FBXO11: variants seen among roughly 807,000 people sequenced by gnomAD.
FBXO11 encodes F-box only protein 11.
A neutral mutation model predicts 117.0 loss-of-function variants in FBXO11; 13 were observed. That is an observed-to-expected ratio of 0.11 (90% confidence interval 0.07 to 0.18). The LOEUF (loss-of-function observed/expected upper bound fraction) is 0.18, where lower values mean the gene tolerates loss of function less well. Among genes scored for constraint, FBXO11 ranks in the 10% least tolerant of loss-of-function variants. FBXO11 has a pLI of 1.00. For missense variants in FBXO11, 767 were observed against 1,164.4 expected, an observed-to-expected ratio of 0.66 and a Z score of 4.97; for synonymous variants, 490 against 380.5, an observed-to-expected ratio of 1.29 and a Z score of -3.35.
At chr2:47,809,917 C>G (rs765269112) in intron 19 of FBXO11, 27 of 541,812 alleles carry the variant, frequency 5.0e-5, no homozygotes, top group Non-Finnish European at 8.5e-5. Context: ...AACTTTCGCA[C>G]CAACCTAACT....
At chr2:47,877,828 G>A (rs914760106) in intron 1 of FBXO11, among the ~76,000 whole-genome samples, 2 of 152,204 alleles carry the variant, frequency 1.3e-5, no homozygotes, top group African/African-American at 4.8e-5. Flanking sequence ...GGGATTACAG[G>A]CGCGTGCCAA....
chr2:47,838,083 A>G (rs963019061), intron 4 of FBXO11, among the ~76,000 whole-genome samples: 5 of 127,076 alleles, frequency 3.9e-5, no homozygotes, highest in African/African-American at 1.4e-4. Flanking sequence ...AAAAAAAAAA[A>G]TTAGCTGGGC....
At chr2:47,838,450 G>C (rs1349201879) in intron 4 of FBXO11, among the ~76,000 whole-genome samples, 1 of 151,926 alleles carries the variant, frequency 6.6e-6, no homozygotes, top group Non-Finnish European at 1.5e-5. Context: ...CAAAGGGCAT[G>C]ACCCAGTAAT....
intron 1 of FBXO11, among the ~76,000 whole-genome samples, chr2:47,844,793 T>C (rs993965387): frequency 2.0e-5 from 3 of 152,106 alleles, no homozygotes; most frequent in East Asian, 1.9e-4. Context: ...CACGCCACCA[T>C]GCCTGGCTAA....
intron 5 of FBXO11, among the ~76,000 whole-genome samples, 190 bp downstream of exon 5, chr2:47,835,682 G>A (rs746492003): frequency 5.9e-5 from 9 of 152,156 alleles, no homozygotes; most frequent in Non-Finnish European, 1.2e-4. Context: ...ATTTTTAGAA[G>A]AGATGGAGTT....
intron 1 of FBXO11, among the ~76,000 whole-genome samples, chr2:47,880,840 T>C (rs1320402528): frequency 2.0e-5 from 3 of 152,216 alleles, no homozygotes; most frequent in Non-Finnish European, 4.4e-5. Context: ...TACCAGTCTT[T>C]CACAATCACT....
chr2:47,874,840 C>T (rs1252903051), intron 1 of FBXO11, among the ~76,000 whole-genome samples: 1 of 142,868 alleles, frequency 7.0e-6, no homozygotes, highest in Non-Finnish European at 1.5e-5. Context: ...TGGCCACATA[C>T]AAAATTTAAA....
At chr2:47,846,958 G>T (rs1045873508) in intron 1 of FBXO11, among the ~76,000 whole-genome samples, 2 of 152,118 alleles carry the variant, frequency 1.3e-5, no homozygotes, top group Non-Finnish European at 2.9e-5. Flanking sequence ...AATACGTTCT[G>T]AGAAGGCTGG....
At chr2:47,831,909 G>A (rs1672220414) in intron 11 of FBXO11, among the ~76,000 whole-genome samples, 1 of 152,046 alleles carries the variant, frequency 6.6e-6, no homozygotes, top group Non-Finnish European at 1.5e-5. Flanking sequence ...AAATAACAAT[G>A]AAACCATTAT....
At chr2:47,885,435 C>T (rs1052817111) in intron 1 of FBXO11, among the ~76,000 whole-genome samples, 10 of 151,886 alleles carry the variant, frequency 6.6e-5, no homozygotes, top group Non-Finnish European at 1.3e-4. Flanking sequence ...CTACCAAGGG[C>T]GTGGTGGTGT....
chr2:47,850,502 G>T (rs1379144512), intron 1 of FBXO11, among the ~76,000 whole-genome samples: 4 of 152,164 alleles, frequency 2.6e-5, no homozygotes, highest in African/African-American at 9.6e-5. Flanking sequence ...GTACAATACT[G>T]TTTCATGGTA....
In FBXO11 at chr2:47,902,560, TATACCCAC is replaced by T. The variant is rs1267998562; in HGVS notation, c.232+2921_232+2928del. 3.3e-5 allele frequency among the ~76,000 whole-genome samples: 5 copies of T among 152,090 alleles called. No individual in the cohort carries two copies. The East Asian group carries it at 9.6e-4, about 29-fold the overall frequency. On this transcript the variant is annotated intron_variant, in intron 1 of 22. Coordinates refer to ENST00000403359, the MANE Select transcript of FBXO11 (RefSeq NM_001190274.2). ...ATGTACAAACATGTATATACACAAA[TATACCCAC>T]ATACACACACACATACACATACACA...
At chr2:47,836,984 C>T (rs772324431) in intron 4 of FBXO11, 14 of 358,076 alleles carry the variant, frequency 3.9e-5, no homozygotes, top group Non-Finnish European at 6.5e-5. Flanking sequence ...GTAATCTGCC[C>T]ACTTCAGCCT....
At chr2:47,895,727 C>T (rs1407028131) in intron 1 of FBXO11, among the ~76,000 whole-genome samples, 1 of 152,118 alleles carries the variant, frequency 6.6e-6, no homozygotes, top group African/African-American at 2.4e-5. Flanking sequence ...GAATTTCACT[C>T]TTTCACCCAG....
At chr2:47,857,403 G>C (rs576867057) in intron 1 of FBXO11, among the ~76,000 whole-genome samples, 2 of 152,008 alleles carry the variant, frequency 1.3e-5, no homozygotes, top group East Asian at 1.9e-4. Context: ...TTATAGTCGT[G>C]AGCCACCACA....
intron 1 of FBXO11, among the ~76,000 whole-genome samples, chr2:47,842,958 CTTTT>C (rs922075793): frequency 6.6e-6 from 1 of 151,840 alleles, no homozygotes; most frequent in African/African-American, 2.4e-5. Flanking sequence ...TTAAAAACAA[CTTTT>C]TTTTGTAGAC....
In FBXO11 at chr2:47,807,064, A is replaced by G; in HGVS notation, c.*1054T>C. The stretch of plus-strand genomic sequence containing the variant: ...ATATTAAGTCTAGATGTTATGGTAC[A>G]TGCATACACTTTCAGGCTGTTTTAT... On this transcript the variant is annotated 3_prime_UTR_variant, in exon 23 of 23. Transcript: ENST00000403359. 1.7e-6 allele frequency: 1 copy of G among 572,224 alleles called. No homozygotes were observed. Among genetic ancestry groups the G allele is most frequent in the Non-Finnish European group, 3.1e-6 (1 of 325,824 alleles). 35.4% of individuals were successfully genotyped at this position (572,224 alleles called of 1,614,324 possible). A position where few individuals can be genotyped will look rare whatever the true frequency, so the allele number is the denominator to read the frequency against.
chr2:47,873,727 T>C (rs954386385), intron 1 of FBXO11, among the ~76,000 whole-genome samples: 8 of 152,218 alleles, frequency 5.3e-5, no homozygotes, highest in African/African-American at 1.9e-4. Flanking sequence ...ACTGATTTAT[T>C]TTGTCCCTCT....
chr2:47,898,036 T>C (rs1044837808), intron 1 of FBXO11, among the ~76,000 whole-genome samples: 16 of 152,180 alleles, frequency 1.1e-4, no homozygotes, highest in Admixed American at 9.8e-4. Context: ...CTCCCCTTTT[T>C]GAACATAGCC....
Sources: allele counts gnomAD v4.1 joint callset (sites outside exome capture counted in the v4.1 genomes callset), GRCh38; gene constraint gnomAD v4.1.1; transcripts MANE v1.5; gene names NCBI Gene and HGNC (gene_info 2026-07-23, HGNC 2026-07-21).